The following RHBDF1 variants were observed in gnomAD, a reference collection of about 807,000 sequenced individuals.
The protein encoded by RHBDF1 is inactive rhomboid protein 1.
In RHBDF1, 80 loss-of-function variants were observed where a neutral mutation model predicts 98.6. That is an observed-to-expected ratio of 0.81 (90% confidence interval 0.68 to 0.98). The LOEUF (loss-of-function observed/expected upper bound fraction) is 0.98. Ranked by LOEUF, RHBDF1 falls within the 50% of genes least tolerant of loss-of-function variation. The pLI is 0.00. For synonymous variants in RHBDF1, 512 were observed against 486.8 expected (o/e 1.05, Z -0.68); for missense variants, 1,116 against 1,198.3 (o/e 0.93, Z 1.01).
chr16:75,306 T>C (rs1307579356), upstream of RHBDF1, among the ~76,000 whole-genome samples: 2 of 152,176 alleles, frequency 1.3e-5, no homozygotes, highest in African/African-American at 4.8e-5. Context: ...CACGAGGGAA[T>C]GGGAGCCCTG....
chr16:63,277 T>C, intron 4 of RHBDF1, 95 bp from the exon 5 acceptor site: 1 of 1,062,562 alleles, frequency 9.4e-7, no homozygotes, highest in Non-Finnish European at 1.3e-6. Flanking sequence ...TGACTGCTGC[T>C]CCTGACTCCT....
At position 64,532 on chromosome 16, in the gene RHBDF1, C is replaced by T. The variant is rs149788222; in HGVS notation, c.248+167G>A. On this transcript the variant is annotated intron_variant, in intron 3 of 17. Transcript: ENST00000262316. ...GTGGAGCAGGGTAGTGGGGTGAGAG[C>T]GGTCAGTATCCAGAACAGGAGGAGG... 2.1e-4 allele frequency: 324 copies of T among 1,542,940 alleles called. 1 individual carries two copies. The highest frequency in any genetic ancestry group is 8.9e-4 in the Middle Eastern group (5 of 5,626).
chr16:71,615 C>T (rs1423979554), intron 1 of RHBDF1, among the ~76,000 whole-genome samples: 2 of 152,204 alleles, frequency 1.3e-5, no homozygotes, highest in East Asian at 1.9e-4. Context: ...AGGAGAAGGG[C>T]CTCCAGACCT....
chr16:64,260 G>C, intron 3 of RHBDF1: 1 of 1,332,478 alleles, frequency 7.5e-7, no homozygotes, highest in Non-Finnish European at 9.9e-7. Context: ...CAACCACACT[G>C]GCAGCTCCCA....
upstream of RHBDF1, among the ~76,000 whole-genome samples, chr16:75,962 A>G (rs1450567325): frequency 6.6e-6 from 1 of 152,138 alleles, no homozygotes; most frequent in Non-Finnish European, 1.5e-5. Context: ...CCCTGTAGCC[A>G]ATACAGCCAC....
chr16:60,466 A>C lies in RHBDF1; in HGVS notation c.1631T>G (p.Phe544Cys). 1 of 1,612,260 alleles carries C rather than the reference A, an allele frequency of 6.2e-7. No individual in the cohort carries two copies. The highest frequency in any genetic ancestry group is 8.5e-7 in the Non-Finnish European group (1 of 1,179,972). The part of the protein sequence containing the change: ...APELAGHKRQ[F>C]GSVCHQDPRV... ...GGGATCCTGGTGGCAGACAGAGCCA[A>C]ACTGTCTCTTGTGGCCCGCAAGCTC... Residue 544 changes from phenylalanine (F) to cysteine (C), a missense_variant, in exon 12 of 18, where the codon TTT (phenylalanine) becomes TGT (cysteine). Coordinates refer to ENST00000262316, the MANE Select transcript of RHBDF1 (RefSeq NM_022450.5).
chr16:63,068 A>C lies in RHBDF1; in HGVS notation c.577T>G (p.Ser193Ala). Residue 193 changes from serine to alanine, a missense_variant, in exon 5 of 18, where the codon TCC (serine) becomes GCC (alanine). By Grantham distance (99) the Ser-to-Ala change is moderately conservative. Transcript: ENST00000262316. The stretch of plus-strand genomic sequence containing the variant: ...CGGTGGAAACCTGAGCGGGAGCTGG[A>C]GAAGGAGCAGAGGGAGGCAGCACCC... ...TPGAASLCSF[S>A]SSRSGFHRLP... 6.2e-7 allele frequency: 1 copy of C among 1,612,570 alleles called. No homozygotes were observed. Among genetic ancestry groups the C allele is most frequent in the South Asian group, 1.1e-5 (1 of 90,952 alleles).
At chr16:67,465 T>A (rs1022066041) in intron 1 of RHBDF1, among the ~76,000 whole-genome samples, 2 of 152,174 alleles carry the variant, frequency 1.3e-5, no homozygotes, top group African/African-American at 4.8e-5. Flanking sequence ...TGAGTGACCT[T>A]TGCCAACAGA....
chr16:62,181 C>G, intron 7 of RHBDF1, 129 bp from the exon 8 acceptor site: 1 of 1,310,088 alleles, frequency 7.6e-7, no homozygotes, highest in Non-Finnish European at 1.0e-6. Flanking sequence ...CATCTGCCTT[C>G]TCCTTGCCAG....
chr16:66,885 G>A (rs1212871076), intron 1 of RHBDF1, among the ~76,000 whole-genome samples: 1 of 152,174 alleles, frequency 6.6e-6, no homozygotes, highest in Non-Finnish European at 1.5e-5. Context: ...CAACAGGGTC[G>A]GACAGAAAGG....
chr16:61,769 C>G, intron 8 of RHBDF1, 29 bp downstream of exon 8: 1 of 1,612,304 alleles, frequency 6.2e-7, no homozygotes, highest in Non-Finnish European at 8.5e-7. Flanking sequence ...AGCCTCCATC[C>G]CAACCCAGGC....
In RHBDF1 at chr16:59,355, C is replaced by T; in HGVS notation, c.1894-6G>A. On this transcript the variant is annotated splice_region_variant and splice_polypyrimidine_tract_variant and intron_variant, in intron 15 of 17. Transcript: ENST00000262316. ...ACATCATCCATGCAGTGCACCTGCG[C>T]AGAGCAGCATATCAGCATCACAGTA... 1 of 1,611,922 alleles carries T rather than the reference C, an allele frequency of 6.2e-7. No homozygotes were observed. The highest frequency in any genetic ancestry group is 1.1e-5 in the South Asian group (1 of 90,792).
At chr16:59,861 C>T (rs756728869) in intron 13 of RHBDF1, 35 bp from the exon 14 acceptor site, 3 of 1,613,740 alleles carry the variant, frequency 1.9e-6, no homozygotes, top group Admixed American at 3.3e-5. Context: ...GAGTCAGGGC[C>T]TCCCCCAACC....
At chr16:61,318 C>A (rs1233042807) in intron 10 of RHBDF1, 37 bp from the exon 11 acceptor site, 1 of 1,542,550 alleles carries the variant, frequency 6.5e-7, no homozygotes, top group Non-Finnish European at 8.7e-7. Flanking sequence ...CAGTCCGGGG[C>A]CTCCTGCCCC....
chr16:61,986 G>C lies in RHBDF1; in HGVS notation c.1020C>G (p.Leu340=), dbSNP rs1228972688. 6.3e-7 allele frequency: 1 copy of C among 1,579,618 alleles called. No individual in the cohort carries two copies. Among genetic ancestry groups the C allele is most frequent in the Non-Finnish European group, 8.5e-7 (1 of 1,169,986 alleles). Residue 340 remains leucine, a synonymous_variant, in exon 8 of 18, where the codon CTC becomes CTG. Coordinates refer to ENST00000262316, the MANE Select transcript of RHBDF1 (RefSeq NM_022450.5). ...GAAAPQPKVR[L]RQEVVSTAGP... ...CCGCGGTGCTCACCACCTCCTGTCG[G>C]AGCCGCACCTTGGGCTGCGGGGCTG...
upstream of RHBDF1, chr16:72,643 G>A (rs1285186893): frequency 1.2e-4 from 104 of 848,384 alleles, no homozygotes; most frequent in Admixed American, 7.4e-4. Flanking sequence ...CTGGAGCGAG[G>A]GGCGTGCGCC....
At position 60,462 on chromosome 16, in the gene RHBDF1, G is replaced by A; in HGVS notation, c.1635C>T (p.Gly545=). 6.2e-7 allele frequency: 1 copy of A among 1,612,236 alleles called. No homozygotes were observed. The highest frequency in any genetic ancestry group is 1.3e-5 in the African/African-American group (1 of 75,046). The change falls in exon 12 of 18, where the codon GGC becomes GGT. Residue 545 remains glycine (G), a synonymous_variant. Coordinates refer to ENST00000262316, the MANE Select transcript of RHBDF1 (RefSeq NM_022450.5). The part of the protein sequence containing the change: ...PELAGHKRQF[G]SVCHQDPRVC... ...ACCTGGGATCCTGGTGGCAGACAGAGCCAAACTGTCTCTTGTGGCCCGCAA... is the reference window on the plus strand; with the variant it reads ...ACCTGGGATCCTGGTGGCAGACAGAACCAAACTGTCTCTTGTGGCCCGCAA...
rs758272706 is a variant in RHBDF1 at position 61,803 on chromosome 16, G to A, written c.1203C>T (p.Asp401=). 1.8e-5 allele frequency: 29 copies of A among 1,612,674 alleles called. No individual in the cohort carries two copies. The highest frequency in any genetic ancestry group is 2.4e-5 in the Non-Finnish European group (28 of 1,179,730). The part of the protein sequence containing the change: ...FVKRQIEDMD[D]HRPFFTYWLT... ...GCCTTGCCTGCCACGCCTACCTGTGGTCGTCCATGTCCTCGATCTGGCGCT... is the reference window on the plus strand; with the variant it reads ...GCCTTGCCTGCCACGCCTACCTGTGATCGTCCATGTCCTCGATCTGGCGCT... The change falls in exon 8 of 18, where the codon GAC becomes GAT. Residue 401 remains aspartate, a synonymous_variant. Coordinates refer to ENST00000262316, the MANE Select transcript of RHBDF1 (RefSeq NM_022450.5).
Position 64,314 on chromosome 16 carries a change from C to T in RHBDF1, c.248+385G>A, listed in dbSNP as rs1255047861. 3.0e-6 allele frequency: 4 copies of T among 1,343,268 alleles called. No individual in the cohort carries two copies. The East Asian group carries it at 1.9e-4, about 65-fold the overall frequency. 83.2% of individuals were successfully genotyped at this position (1,343,268 alleles called of 1,614,324 possible). ...ACATGCCAGAAAACACCAACACACT[C>T]ATGACCTGTATGAGATACCTGAGCA... On this transcript the variant is annotated intron_variant, in intron 3 of 17. Coordinates refer to ENST00000262316, the MANE Select transcript of RHBDF1 (RefSeq NM_022450.5).
Sources: gnomAD v4.1 joint callset for allele counts (sites outside exome capture counted in the v4.1 genomes callset) on GRCh38, gnomAD v4.1.1 for gene constraint, MANE v1.5 for transcripts, NCBI Gene and HGNC (gene_info 2026-07-23, HGNC 2026-07-21) for gene names.